Variants in CEP290 observed in about 807,000 individuals in gnomAD.
The protein encoded by CEP290 is centrosomal protein of 290 kDa.
CEP290 carries 317 observed loss-of-function variants against 344.9 expected under a neutral mutation model. The observed-to-expected ratio is 0.92, with a 90% CI of 0.84 to 1.01. The LOEUF (loss-of-function observed/expected upper bound fraction) is 1.01, where lower values mean the gene tolerates loss of function less well. Ranked by LOEUF, CEP290 falls within the 50% of genes least tolerant of loss-of-function variation. The probability of loss-of-function intolerance (pLI) is 0.00; values close to 1 mark genes in which losing one functional copy is unlikely to be tolerated. For synonymous variants in CEP290, 932 were observed against 895.8 expected, an observed-to-expected ratio of 1.04 and a Z score of -0.72; for missense variants, 2,754 against 2,761.4, an observed-to-expected ratio of 1.00 and a Z score of 0.06.
Position 88,049,167 on chromosome 12 carries a change from A to G in CEP290, c.*17T>C. On this transcript the variant is annotated 3_prime_UTR_variant, in exon 54 of 54. Transcript: ENST00000552810. The stretch of plus-strand genomic sequence containing the variant: ...AGTTAATAAATAGTTAAATGAAACA[A>G]AGTTTATAGGTGACCTTTAGTAAAT... The G allele has an allele frequency of 6.9e-7, 1 of 1,450,556 alleles. No homozygotes were observed. Among genetic ancestry groups the G allele is most frequent in the South Asian group, 1.3e-5 (1 of 78,488 alleles). The allele number at this position is 1,450,556 out of a possible 1,614,324, so 89.9% of individuals were successfully genotyped here.
At chr12:88,051,095 A>G (rs1180092272) in intron 52 of CEP290, among the ~76,000 whole-genome samples, 1 of 151,986 alleles carries the variant, frequency 6.6e-6, no homozygotes, top group East Asian at 1.9e-4. Context: ...ATTATACTAC[A>G]TTTAATAAGT....
rs976423527 is a variant in CEP290, at chr12:88,092,740, A to G, written c.3402T>C (p.Asp1134=). The part of the protein sequence containing the change: ...DSVSKAVSDA[D]RQRILELEKN... ...TCTCTAATTCTAGAATCCGTTGCCTATCAGCATCACTTACTGCCTTGCTCA... is the reference window on the plus strand; with the variant it reads ...TCTCTAATTCTAGAATCCGTTGCCTGTCAGCATCACTTACTGCCTTGCTCA... The change falls in exon 29 of 54, where the codon GAT becomes GAC. Residue 1134 remains aspartate, a synonymous_variant. Transcript: ENST00000552810. 21 of 1,610,182 alleles carry G rather than the reference A, an allele frequency of 1.3e-5. No individual in the cohort carries two copies. The highest frequency in any genetic ancestry group is 4.0e-5 in the African/African-American group (3 of 74,722).
chr12:88,099,274 C>G (rs1240452351), intron 26 of CEP290, among the ~76,000 whole-genome samples: 3 of 152,062 alleles, frequency 2.0e-5, no homozygotes, highest in Non-Finnish European at 4.4e-5. Flanking sequence ...GGTTAGGTAA[C>G]TGAACATATA....
chr12:88,076,644 T>C (rs1232322063), intron 41 of CEP290, among the ~76,000 whole-genome samples: 1 of 152,084 alleles, frequency 6.6e-6, no homozygotes, highest in Non-Finnish European at 1.5e-5. Context: ...GTAATTTTTA[T>C]TACAAAACAG....
chr12:88,115,269 T>C, intron 18 of CEP290, 87 bp from the exon 19 acceptor site: 1 of 802,814 alleles, frequency 1.2e-6, no homozygotes, highest in Non-Finnish European at 2.0e-6. Flanking sequence ...GTTTGATCAA[T>C]TAAGTATAAC....
chr12:88,083,897 ATC>A lies in CEP290; in HGVS notation c.4760_4761del (p.Arg1587IlefsTer6). 6.2e-7 allele frequency: 1 copy of A among 1,600,720 alleles called. No individual in the cohort carries two copies. On this transcript the variant is annotated frameshift_variant, in exon 36 of 54. Transcript: ENST00000552810. LOFTEE classifies it high-confidence loss of function. ...HEEDLHILHH[R>X]LELQADSSLN... ...AGTGAACTATCAGCCTGTAGTTCTA[ATC>A]TGTGATGAAGAATATGAAGGTCTTC...
At position 88,051,264 on chromosome 12, in the gene CEP290, T is replaced by C. The variant is rs144976327; in HGVS notation, c.7130-831A>G. ...AGGCTAGAGTGCAGTGGTGCAATCT[T>C]GGCTCACTGCAACAACCACTGCCTC... is the stretch of plus-strand genomic sequence containing the variant. On this transcript the variant is annotated intron_variant, in intron 52 of 53. Transcript: ENST00000552810. Among the ~76,000 whole-genome samples, 367 of 149,768 alleles carry C rather than the reference T, an allele frequency of 2.5e-3. 1 individual carries two copies. The highest frequency in any genetic ancestry group is 8.6e-3 in the African/African-American group (353 of 40,842).
Position 88,111,757 on chromosome 12 carries a change from C to T in CEP290, c.2154G>A (p.Glu718=). 1 of 1,605,384 alleles carries T rather than the reference C, an allele frequency of 6.2e-7. No homozygotes were observed. Among genetic ancestry groups the T allele is most frequent in the African/African-American group, 1.3e-5 (1 of 74,568 alleles). ...LTGRNEELRQ[E]LRESRKEAIN... ...TAGCCTCTTTCCGAGATTCCCTGAG[C>T]TCCTGTCTTAATTCTTCATTTCTTC... Residue 718 remains glutamate (E), a synonymous_variant, in exon 21 of 54, where the codon GAG becomes GAA. Transcript: ENST00000552810.
intron 19 of CEP290, 38 bp from the exon 20 acceptor site, chr12:88,114,600 T>G (rs2038925977): frequency 6.8e-7 from 1 of 1,476,542 alleles, no homozygotes; most frequent in Non-Finnish European, 9.1e-7. Context: ...TGATCAGATC[T>G]TTTTCACAAT....
At chr12:88,060,578 A>T (rs2034399351) in intron 47 of CEP290, among the ~76,000 whole-genome samples, 1 of 152,058 alleles carries the variant, frequency 6.6e-6, no homozygotes, top group South Asian at 2.1e-4. Context: ...AAAAAAAGAG[A>T]GACACAGGTA....
At position 88,107,003 on chromosome 12, in the gene CEP290, T is replaced by G. The variant is rs746864708; in HGVS notation, c.2579A>C (p.Glu860Ala). Residue 860 changes from glutamate to alanine, a missense_variant, in exon 24 of 54, where the codon GAA becomes GCA. Physicochemically the swap from Glu to Ala is moderately radical, Grantham distance 107. Coordinates refer to ENST00000552810, the MANE Select transcript of CEP290 (RefSeq NM_025114.4). ...QVQQDAIKVK[E>A]YNNLLNALQM... is the part of the protein sequence containing the mutation. Reference sequence around the variant, plus strand: ...TAAAAATGTTTTACTTACATTATATTCTTTTACTTTTATAGCATCTTGTTG... The same window carrying G: ...TAAAAATGTTTTACTTACATTATATGCTTTTACTTTTATAGCATCTTGTTG... 1.3e-6 allele frequency: 2 copies of G among 1,544,718 alleles called. No individual in the cohort carries two copies. The highest frequency in any genetic ancestry group is 2.5e-5 in the South Asian group (2 of 81,564).
At chr12:88,094,690 A>C (rs1401138363) in intron 27 of CEP290, among the ~76,000 whole-genome samples, 1 of 151,926 alleles carries the variant, frequency 6.6e-6, no homozygotes, top group Non-Finnish European at 1.5e-5. Context: ...GGAAGAAAAC[A>C]TACTTTTGCT....
chr12:88,106,648 A>C, intron 25 of CEP290, 27 bp downstream of exon 25: 1 of 1,530,324 alleles, frequency 6.5e-7, no homozygotes, highest in Non-Finnish European at 8.9e-7. Flanking sequence ...TCATAGTCAG[A>C]AAAAGCAAAA....
chr12:88,115,004 T>G (rs909799843), intron 19 of CEP290, 94 bp downstream of exon 19: 18 of 661,850 alleles, frequency 2.7e-5, no homozygotes, highest in Non-Finnish European at 4.7e-5. Flanking sequence ...TAAAGCAGAT[T>G]AGAAAACAGA....
intron 49 of CEP290, among the ~76,000 whole-genome samples, chr12:88,055,985 C>A (rs902953769): frequency 1.3e-5 from 2 of 151,738 alleles, no homozygotes; most frequent in East Asian, 1.9e-4. Flanking sequence ...AAATTAATAC[C>A]TTTTTTCAAT....
chr12:88,111,355 G>GA lies in CEP290; in HGVS notation c.2218-5dup, dbSNP rs143621850. The GA allele has an allele frequency of 3.2e-4, 488 of 1,536,652 alleles. No homozygotes were observed. The highest frequency in any genetic ancestry group is 1.3e-3 in the Admixed American group (61 of 47,788). ...TTTCTTTTTCAAGATGGTCTATCTGGAAAAAAAAATCCAGCAATGAGAATC... is the reference window on the plus strand; with the variant it reads ...TTTCTTTTTCAAGATGGTCTATCTGGAAAAAAAAAATCCAGCAATGAGAATC... On this transcript the variant is annotated splice_polypyrimidine_tract_variant and splice_region_variant and intron_variant, in intron 21 of 53. Transcript: ENST00000552810.
At chr12:88,140,906 A>T in intron 3 of CEP290, 50 bp downstream of exon 3, 1 of 1,227,654 alleles carries the variant, frequency 8.1e-7, no homozygotes, top group Non-Finnish European at 1.1e-6. Flanking sequence ...ACAGATTTTT[A>T]TAGTTCCACT....
chr12:88,083,821 A>G (rs754814727), intron 36 of CEP290, 26 bp downstream of exon 36: 12 of 1,384,534 alleles, frequency 8.7e-6, no homozygotes, highest in Non-Finnish European at 1.2e-5. Flanking sequence ...TCAATAAAGA[A>G]TGGAACAAAG....
At chr12:88,131,285 T>G (rs1592677032) in intron 6 of CEP290, 67 bp from the exon 7 acceptor site, 4 of 722,164 alleles carry the variant, frequency 5.5e-6, no homozygotes, top group South Asian at 4.1e-5. Flanking sequence ...TTTTTTTTTT[T>G]GAGACAAAGT....
Sources: gnomAD v4.1 joint callset for allele counts (sites outside exome capture counted in the v4.1 genomes callset) on GRCh38, gnomAD v4.1.1 for gene constraint, MANE v1.5 for transcripts, NCBI Gene and HGNC (gene_info 2026-07-23, HGNC 2026-07-21) for gene names.